Variants in DISC1 observed in about 807,000 individuals in gnomAD.
DISC1 encodes the protein DISC1 scaffold protein.
Under a neutral mutation model 84.5 loss-of-function variants are expected in DISC1, and 57 were observed. That is an observed-to-expected ratio of 0.67 (90% CI 0.55 to 0.84). The LOEUF is 0.84. DISC1 is among the 40% of genes least tolerant of loss of function. The pLI is 0.00. For missense variants in DISC1, 1,000 were observed against 1,057.8 expected, an observed-to-expected ratio of 0.95 and a Z score of 0.76; for synonymous variants, 411 against 415.2, an observed-to-expected ratio of 0.99 and a Z score of 0.12.
chr1:231,996,040 G>A (rs1665905456), intron 10 of DISC1, among the ~76,000 whole-genome samples: 1 of 152,182 alleles, frequency 6.6e-6, no homozygotes, highest in East Asian at 1.9e-4. Context: ...ATTCTAACTG[G>A]TGTGAGATGG....
Position 231,626,947 on chromosome 1 carries a change from C to T in DISC1, c.67+13C>T. 1 of 1,501,770 alleles carries T rather than the reference C, an allele frequency of 6.7e-7. No homozygotes were observed. The highest frequency in any genetic ancestry group is 8.8e-7 in the Non-Finnish European group (1 of 1,131,880). 93.0% of individuals were successfully genotyped at this position (1,501,770 alleles called of 1,614,324 possible). On this transcript the variant is annotated intron_variant, in intron 1 of 12. Coordinates refer to ENST00000439617, the MANE Select transcript of DISC1 (RefSeq NM_018662.3). ...AGCCACCGCGCAGGTAGGGGAGCTG[C>T]CACAGAGTCCTAGCACGTCCTGGGG...
At position 231,891,692 on chromosome 1, in the gene DISC1, G is replaced by A. The variant is rs74144177; in HGVS notation, c.1982-67136G>A. Reference sequence around the variant, plus strand: ...TCCCAATAAGAGGAGTTGTTGGGTGGTGTGGGCGTCACCTGCTGTTCCATT... The same window carrying A: ...TCCCAATAAGAGGAGTTGTTGGGTGATGTGGGCGTCACCTGCTGTTCCATT... On this transcript the variant is annotated intron_variant, in intron 9 of 12. Coordinates refer to ENST00000439617, the MANE Select transcript of DISC1 (RefSeq NM_018662.3). 8.3e-3 allele frequency among the ~76,000 whole-genome samples: 1,257 copies of A among 152,264 alleles called. 17 individuals carry two copies. The highest frequency in any genetic ancestry group is 0.029 in the African/African-American group (1,187 of 41,538).
At chr1:231,843,680 G>C (rs925019225) in intron 9 of DISC1, among the ~76,000 whole-genome samples, 3 of 152,200 alleles carry the variant, frequency 2.0e-5, no homozygotes, top group African/African-American at 7.2e-5. Flanking sequence ...GGAGGTGCAG[G>C]TGGTCATGAG....
intron 9 of DISC1, among the ~76,000 whole-genome samples, chr1:231,926,174 A>G (rs1006742418): frequency 6.6e-6 from 1 of 152,214 alleles, no homozygotes; most frequent in Non-Finnish European, 1.5e-5. Flanking sequence ...CGTACTGAAA[A>G]TGAACTTGGT....
intron 4 of DISC1, among the ~76,000 whole-genome samples, chr1:231,758,763 G>C (rs1408056948): frequency 1.3e-5 from 2 of 152,046 alleles, no homozygotes; most frequent in Non-Finnish European, 2.9e-5. Flanking sequence ...AGAGAGAGTT[G>C]GCCTACTATC....
intron 9 of DISC1, among the ~76,000 whole-genome samples, chr1:231,875,417 G>C (rs1035644066): frequency 2.0e-5 from 3 of 152,116 alleles, no homozygotes; most frequent in Admixed American, 2.0e-4. Context: ...CTGCCTGGGC[G>C]CTCTGGCAAT....
intron 3 of DISC1, among the ~76,000 whole-genome samples, chr1:231,718,439 T>C (rs1351855861): frequency 2.4e-4 from 35 of 147,032 alleles, no homozygotes; most frequent in South Asian, 6.4e-4. Flanking sequence ...TCTCTCTCTT[T>C]TTTTTTTTTT....
intron 9 of DISC1, among the ~76,000 whole-genome samples, chr1:231,834,966 A>C (rs1213664704): frequency 6.6e-6 from 1 of 152,206 alleles, no homozygotes; most frequent in Non-Finnish European, 1.5e-5. Context: ...CGTCTCCTTC[A>C]TCTCTACCAG....
chr1:231,778,848 ATTCCCTCT>A (rs1046391995), intron 6 of DISC1, among the ~76,000 whole-genome samples: 88 of 152,250 alleles, frequency 5.8e-4, no homozygotes, highest in African/African-American at 2.1e-3. Flanking sequence ...CACTGAACGG[ATTCCCTCT>A]TGGCCAAGGA....
intron 1 of DISC1, among the ~76,000 whole-genome samples, chr1:231,629,216 G>T (rs538381523): frequency 6.6e-6 from 1 of 152,302 alleles, no homozygotes; most frequent in African/African-American, 2.4e-5. Flanking sequence ...GAAAGAACAG[G>T]TTGCAAGATC....
At chr1:232,027,046 C>T (rs572001147) in intron 12 of DISC1, among the ~76,000 whole-genome samples, 4 of 152,212 alleles carry the variant, frequency 2.6e-5, no homozygotes, top group East Asian at 3.9e-4. Context: ...CCACCGCATC[C>T]GGCCGCAATT....
intron 3 of DISC1, among the ~76,000 whole-genome samples, chr1:231,728,936 G>A (rs1359532361): frequency 6.6e-6 from 1 of 152,128 alleles, no homozygotes; most frequent in Non-Finnish European, 1.5e-5. Flanking sequence ...TTGGTGTGCT[G>A]CACCCATTAA....
intron 10 of DISC1, among the ~76,000 whole-genome samples, chr1:232,003,351 G>A (rs1772697): frequency 0.28 from 43,115 of 151,728 alleles, 6,325 homozygotes; most frequent in African/African-American, 0.33. Context: ...GACAATTTAG[G>A]CTTTAAGGCT....
chr1:231,920,383 C>G (rs1269332012), intron 9 of DISC1, among the ~76,000 whole-genome samples: 1 of 152,190 alleles, frequency 6.6e-6, no homozygotes, highest in African/African-American at 2.4e-5. Flanking sequence ...CTTATCTTTG[C>G]TAGCTGAAAC....
intron 9 of DISC1, among the ~76,000 whole-genome samples, chr1:231,883,319 A>C (rs1217524049): frequency 1.3e-5 from 2 of 152,126 alleles, no homozygotes; most frequent in African/African-American, 2.4e-5. Flanking sequence ...AACAAAAAAA[A>C]CCCAACCCTC....
At chr1:231,953,249 G>A (rs137938466) in intron 9 of DISC1, among the ~76,000 whole-genome samples, 73 of 152,274 alleles carry the variant, frequency 4.8e-4, no homozygotes, top group African/African-American at 1.7e-3. Context: ...TATCATTTGC[G>A]TATGAGCAGA....
Position 232,037,164 on chromosome 1 carries a change from G to T in DISC1, c.*333G>T, listed in dbSNP as rs1455929448. On this transcript the variant is annotated 3_prime_UTR_variant, in exon 13 of 13. Coordinates refer to ENST00000439617, the MANE Select transcript of DISC1 (RefSeq NM_018662.3). ...TAGAGAGAAGTTGGGGTGAATTCTG[G>T]AAAAATGTCTCTTTTTCCTGTGCCA... is the stretch of plus-strand genomic sequence containing the variant. 5.8e-6 allele frequency: 1 copy of T among 171,600 alleles called. No homozygotes were observed. Among genetic ancestry groups the T allele is most frequent in the African/African-American group, 2.4e-5 (1 of 42,236 alleles). 10.6% of individuals were successfully genotyped at this position (171,600 alleles called of 1,614,324 possible).
At chr1:231,700,776 A>T (rs760062718) in intron 2 of DISC1, among the ~76,000 whole-genome samples, 4 of 152,214 alleles carry the variant, frequency 2.6e-5, no homozygotes, top group Non-Finnish European at 5.9e-5. Flanking sequence ...GAATGGGTCT[A>T]TGAATAGAAG....
chr1:231,919,050 A>G (rs558423474), intron 9 of DISC1, among the ~76,000 whole-genome samples: 1 of 152,196 alleles, frequency 6.6e-6, no homozygotes, highest in Admixed American at 6.5e-5. Flanking sequence ...TGCTTAACTC[A>G]TCCATCATTT....
Sources: allele counts gnomAD v4.1 joint callset (sites outside exome capture counted in the v4.1 genomes callset), GRCh38; gene constraint gnomAD v4.1.1; transcripts MANE v1.5; gene names NCBI Gene and HGNC (gene_info 2026-07-23, HGNC 2026-07-21).